Variants in INMT observed in about 807,000 individuals in gnomAD.
The protein encoded by INMT is indolethylamine N-methyltransferase.
A neutral mutation model predicts 11.5 loss-of-function variants in INMT; 11 were observed. The ratio of observed to expected loss-of-function variants is 0.95; its 90% confidence interval spans 0.60 to 1.58. The LOEUF (loss-of-function observed/expected upper bound fraction) is 1.58. Among genes scored for constraint, INMT ranks in the 40% most tolerant of loss-of-function variants. The pLI is 0.00. For missense variants in INMT, 316 were observed against 336.1 expected (o/e 0.94, Z 0.47); for synonymous variants, 155 against 142.9 (o/e 1.08, Z -0.60).
Position 30,755,929 on chromosome 7 carries a change from A to T in INMT, c.*78A>T. 6.6e-7 allele frequency: 1 copy of T among 1,515,044 alleles called. No individual in the cohort carries two copies. Among genetic ancestry groups the T allele is most frequent in the Non-Finnish European group, 8.8e-7 (1 of 1,137,418 alleles). The allele number at this position is 1,515,044 out of a possible 1,614,324, so 93.9% of individuals were successfully genotyped here. On this transcript the variant is annotated 3_prime_UTR_variant, in exon 3 of 3. Coordinates refer to ENST00000013222, the MANE Select transcript of INMT (RefSeq NM_006774.5). The stretch of plus-strand genomic sequence containing the variant: ...TATGCTAGAGAGGGGTGAGGAATGG[A>T]TACTGTCTAACAGTCTCTGATTTCA...
chr7:30,755,885 G>A lies in INMT; in HGVS notation c.*34G>A. 1 of 1,578,928 alleles carries A rather than the reference G, an allele frequency of 6.3e-7. No individual in the cohort carries two copies. The highest frequency in any genetic ancestry group is 8.6e-7 in the Non-Finnish European group (1 of 1,163,742). ...GGCCAGCCAGAGGTCTGGTCAGGCTGTGAGGCCTTGGCCATCTGTATGCTA... is the reference window on the plus strand; with the variant it reads ...GGCCAGCCAGAGGTCTGGTCAGGCTATGAGGCCTTGGCCATCTGTATGCTA... On this transcript the variant is annotated 3_prime_UTR_variant, in exon 3 of 3. Transcript: ENST00000013222.
At chr7:30,752,845 A>G (rs1786119558) in intron 1 of INMT, among the ~76,000 whole-genome samples, 1 of 152,126 alleles carries the variant, frequency 6.6e-6, no homozygotes, top group Non-Finnish European at 1.5e-5. Context: ...ATGGATGGTG[A>G]CTTCTGCCTG....
chr7:30,752,433 G>A, intron 1 of INMT, 129 bp downstream of exon 1: 1 of 689,646 alleles, frequency 1.5e-6, no homozygotes, highest in Non-Finnish European at 2.4e-6. Flanking sequence ...GGAGCTTCTG[G>A]GGCCCTGCCC....
Position 30,757,354 on chromosome 7 carries a change from TAA to T in INMT, c.*1504_*1505del. 4.3e-6 allele frequency: 1 copy of T among 232,894 alleles called. No homozygotes were observed. The highest frequency in any genetic ancestry group is 5.4e-5 in the South Asian group (1 of 18,428). The allele number at this position is 232,894 out of a possible 1,614,324, so 14.4% of individuals were successfully genotyped here. A position where few individuals can be genotyped will look rare whatever the true frequency, so the allele number is the denominator to read the frequency against. On this transcript the variant is annotated 3_prime_UTR_variant, in exon 3 of 3. Transcript: ENST00000013222. The stretch of plus-strand genomic sequence containing the variant: ...ACATGGTGGGCACACTGGCGCCCAG[TAA>T]GAGAGAGAGAGAGCCAAAGCTGTCC...
In INMT at chr7:30,755,521, G is replaced by T; in HGVS notation, c.462G>T (p.Leu154Phe). The part of the protein sequence containing the change: ...HLGNPLAPAV[L>F]PLADCVLTLL... ...GCAACCCGCTGGCCCCGGCTGTGTT[G>T]CCTCTCGCCGACTGTGTGCTCACCC... The change falls in exon 3 of 3, where the codon TTG (leucine) becomes TTT (phenylalanine). Residue 154 changes from leucine (L) to phenylalanine (F), a missense_variant. Transcript: ENST00000013222. 1 of 1,609,330 alleles carries T rather than the reference G, an allele frequency of 6.2e-7. No individual in the cohort carries two copies. Among genetic ancestry groups the T allele is most frequent in the Non-Finnish European group, 8.5e-7 (1 of 1,180,002 alleles).
In INMT at chr7:30,756,409, T is replaced by TTTTTTTTATTTTA. The variant is rs1554357948; in HGVS notation, c.*565_*566insATTTTATTTTTTT. 2.0e-5 allele frequency: 3 copies of TTTTTTTTATTTTA among 150,968 alleles called. No individual in the cohort carries two copies. Among genetic ancestry groups the TTTTTTTTATTTTA allele is most frequent in the African/African-American group, 7.9e-5 (3 of 37,874 alleles). 9.4% of individuals were successfully genotyped at this position (150,968 alleles called of 1,614,324 possible). A position where few individuals can be genotyped will look rare whatever the true frequency, so the allele number is the denominator to read the frequency against. On this transcript the variant is annotated 3_prime_UTR_variant, in exon 3 of 3. Coordinates refer to ENST00000013222, the MANE Select transcript of INMT (RefSeq NM_006774.5). Reference sequence around the variant, plus strand: ...CGCCACCACACCCAGCTAATTTTTTTTTTTTTTTTTTTATTTGAGACGGAG... The same window carrying TTTTTTTTATTTTA: ...CGCCACCACACCCAGCTAATTTTTTTTTTTTTTATTTTATTTTTTTTTTTTATTTGAGACGGAG...
chr7:30,754,924 T>G lies in INMT; in HGVS notation c.363-498T>G, dbSNP rs115966512. 4.1e-3 allele frequency among the ~76,000 whole-genome samples: 630 copies of G among 152,378 alleles called. 2 individuals are homozygous for G. Among genetic ancestry groups the G allele is most frequent in the African/African-American group, 0.015 (603 of 41,582 alleles). ...CATTCCCTTTTTCAAAAAATTTTTTTCTTGCATACTTATGTATATCTAAAC... is the reference window on the plus strand; with the variant it reads ...CATTCCCTTTTTCAAAAAATTTTTTGCTTGCATACTTATGTATATCTAAAC... On this transcript the variant is annotated intron_variant, in intron 2 of 2. Coordinates refer to ENST00000013222, the MANE Select transcript of INMT (RefSeq NM_006774.5). This position sits in a 1 kb window ranked among gnomAD's most constrained non-coding sequence, Gnocchi z 4.9.
chr7:30,755,028 A>G (rs374430669), intron 2 of INMT, among the ~76,000 whole-genome samples: 3 of 152,054 alleles, frequency 2.0e-5, no homozygotes. Flanking sequence ...TTTGCTTTTC[A>G]TCACTCAAAA....
chr7:30,752,998 G>T (rs944705417), intron 1 of INMT, among the ~76,000 whole-genome samples: 1 of 152,212 alleles, frequency 6.6e-6, no homozygotes, highest in African/African-American at 2.4e-5. Context: ...GATAAGAGGG[G>T]GTTAAAAGGC....
Position 30,755,914 on chromosome 7 carries a change from A to AG in INMT, c.*67dup. On this transcript the variant is annotated 3_prime_UTR_variant, in exon 3 of 3. Coordinates refer to ENST00000013222, the MANE Select transcript of INMT (RefSeq NM_006774.5). ...GGCCTTGGCCATCTGTATGCTAGAG[A>AG]GGGGTGAGGAATGGATACTGTCTAA... The AG allele has an allele frequency of 6.5e-7, 1 of 1,536,392 alleles. No individual in the cohort carries two copies. The highest frequency in any genetic ancestry group is 1.2e-5 in the South Asian group (1 of 81,100).
Position 30,756,171 on chromosome 7 carries a change from G to T in INMT, c.*320G>T. On this transcript the variant is annotated 3_prime_UTR_variant, in exon 3 of 3. Coordinates refer to ENST00000013222, the MANE Select transcript of INMT (RefSeq NM_006774.5). ...AGTCTACCTAATATGTTAAGGACAAGGAAACCTCTGAGTCTACCTAATATG... is the reference window on the plus strand; with the variant it reads ...AGTCTACCTAATATGTTAAGGACAATGAAACCTCTGAGTCTACCTAATATG... 1 of 1,096,442 alleles carries T rather than the reference G, an allele frequency of 9.1e-7. No homozygotes were observed. The highest frequency in any genetic ancestry group is 1.1e-6 in the Non-Finnish European group (1 of 899,806). The allele number at this position is 1,096,442 out of a possible 1,614,324, so 67.9% of individuals were successfully genotyped here.
chr7:30,754,616 C>T lies in INMT; in HGVS notation c.362+678C>T, dbSNP rs998143251. Among the ~76,000 whole-genome samples, 1 of 145,958 alleles carries T rather than the reference C, an allele frequency of 6.9e-6. No individual in the cohort carries two copies. The highest frequency in any genetic ancestry group is 2.6e-5 in the African/African-American group (1 of 39,106). ...ATCTATACATCCATCAATCCATCCA[C>T]CCATCCATCCATATCCATCTATCCA... On this transcript the variant is annotated intron_variant, in intron 2 of 2. Transcript: ENST00000013222. This position sits in a 1 kb window ranked among gnomAD's most constrained non-coding sequence, Gnocchi z 4.9.
At position 30,755,919 on chromosome 7, in the gene INMT, T is replaced by C; in HGVS notation, c.*68T>C. ...TGGCCATCTGTATGCTAGAGAGGGG[T>C]GAGGAATGGATACTGTCTAACAGTC... On this transcript the variant is annotated 3_prime_UTR_variant, in exon 3 of 3. Transcript: ENST00000013222. The C allele has an allele frequency of 9.2e-6, 14 of 1,529,862 alleles. 1 individual carries two copies. In the South Asian group the frequency reaches 1.6e-4, roughly 18 times the overall value. 94.8% of individuals were successfully genotyped at this position (1,529,862 alleles called of 1,614,324 possible). A position where few individuals can be genotyped will look rare whatever the true frequency, so the allele number is the denominator to read the frequency against.
chr7:30,753,933 A>C lies in INMT; in HGVS notation c.357A>C (p.Gly119=), dbSNP rs766456923. The C allele has an allele frequency of 3.1e-6, 5 of 1,613,656 alleles. No individual in the cohort carries two copies. The South Asian group carries it at 5.5e-5, about 18-fold the overall frequency. Residue 119 remains glycine, a synonymous_variant, in exon 2 of 3, where the codon GGA becomes GGC. Coordinates refer to ENST00000013222, the MANE Select transcript of INMT (RefSeq NM_006774.5). ...PAVKFACELE[G]NSGRWEEKEE... is the part of the protein sequence containing the mutation. Reference sequence around the variant, plus strand: ...TGAAATTCGCCTGTGAGCTGGAAGGAAACAGGTAGGGGTGCAGAGGTTGGG... The same window carrying C: ...TGAAATTCGCCTGTGAGCTGGAAGGCAACAGGTAGGGGTGCAGAGGTTGGG...
In INMT at chr7:30,754,636, T is replaced by C. The variant is rs867789178; in HGVS notation, c.362+698T>C. Among the ~76,000 whole-genome samples the C allele has an allele frequency of 6.2e-5, 9 of 144,634 alleles. No homozygotes were observed. Among genetic ancestry groups the C allele is most frequent in the Admixed American group, 1.4e-4 (2 of 14,610 alleles). 94.9% of individuals were successfully genotyped at this position (144,634 alleles called of 152,430 possible). ...ATCCACCCATCCATCCATATCCATC[T>C]ATCCATCCATCCATCCATCCATCCA... is the stretch of plus-strand genomic sequence containing the variant. On this transcript the variant is annotated intron_variant, in intron 2 of 2. Coordinates refer to ENST00000013222, the MANE Select transcript of INMT (RefSeq NM_006774.5). This position sits in a 1 kb window ranked among gnomAD's most constrained non-coding sequence, Gnocchi z 4.9.
chr7:30,757,459 G>T lies in INMT; in HGVS notation c.*1608G>T. The T allele has an allele frequency of 5.2e-6, 1 of 190,944 alleles. No homozygotes were observed. Among genetic ancestry groups the T allele is most frequent in the Non-Finnish European group, 1.1e-5 (1 of 92,770 alleles). The allele number at this position is 190,944 out of a possible 1,614,324, so 11.8% of individuals were successfully genotyped here. On this transcript the variant is annotated 3_prime_UTR_variant, in exon 3 of 3. Coordinates refer to ENST00000013222, the MANE Select transcript of INMT (RefSeq NM_006774.5). Reference sequence around the variant, plus strand: ...CAGAGAGAGAAAAAGTTAAGCTGCTGACCCTGAAGGCAAGGGAGAGCAGGC... The same window carrying T: ...CAGAGAGAGAAAAAGTTAAGCTGCTTACCCTGAAGGCAAGGGAGAGCAGGC...
chr7:30,753,815 A>T lies in INMT; in HGVS notation c.239A>T (p.Asp80Val). Residue 80 changes from aspartate (D) to valine (V), a missense_variant, in exon 2 of 3, where the codon GAC becomes GTC. Coordinates refer to ENST00000013222, the MANE Select transcript of INMT (RefSeq NM_006774.5). ...CTTGCTGCCTGTGATTCCTTCCAAG[A>T]CATCACTCTCTCCGACTTTACCGAC... ...QVLAACDSFQDITLSDFTDRN... is the reference protein window; with the variant it reads ...QVLAACDSFQVITLSDFTDRN... 4 of 1,614,180 alleles carry T rather than the reference A, an allele frequency of 2.5e-6. No individual in the cohort carries two copies. The highest frequency in any genetic ancestry group is 2.5e-6 in the Non-Finnish European group (3 of 1,180,034).
chr7:30,755,388 A>G lies in INMT; in HGVS notation c.363-34A>G, dbSNP rs751502688. ...ACTGAGAGTTCCCTTCAGAACCTCA[A>G]AGGGCCTCCCCGACTCCCTCTCTCT... is the stretch of plus-strand genomic sequence containing the variant. On this transcript the variant is annotated intron_variant, in intron 2 of 2. Coordinates refer to ENST00000013222, the MANE Select transcript of INMT (RefSeq NM_006774.5). The G allele has an allele frequency of 9.9e-6, 15 of 1,518,092 alleles. No homozygotes were observed. In the African/African-American group the frequency reaches 1.6e-4, roughly 17 times the overall value. 94.0% of individuals were successfully genotyped at this position (1,518,092 alleles called of 1,614,324 possible).
At position 30,753,831 on chromosome 7, in the gene INMT, C is replaced by T; in HGVS notation, c.255C>T (p.Asp85=). The T allele has an allele frequency of 1.2e-6, 2 of 1,614,230 alleles. No homozygotes were observed. Among genetic ancestry groups the T allele is most frequent in the Non-Finnish European group, 1.7e-6 (2 of 1,180,036 alleles). ...CCTTCCAAGACATCACTCTCTCCGA[C>T]TTTACCGACCGCAACCGGGAGGAGC... ...CDSFQDITLS[D]FTDRNREELE... The change falls in exon 2 of 3, where the codon GAC becomes GAT. Residue 85 remains aspartate, a synonymous_variant. Coordinates refer to ENST00000013222, the MANE Select transcript of INMT (RefSeq NM_006774.5).
Sources: allele counts gnomAD v4.1 joint callset (sites outside exome capture counted in the v4.1 genomes callset), GRCh38; gene constraint gnomAD v4.1.1; non-coding constraint Gnocchi (gnomAD v3.1); transcripts MANE v1.5; gene names NCBI Gene and HGNC (gene_info 2026-07-23, HGNC 2026-07-21).